RELL1: variants seen among roughly 807,000 people sequenced by gnomAD.
RELL1 encodes RELT-like protein 1.
A neutral mutation model predicts 23.0 loss-of-function variants in RELL1; 10 were observed. That is an observed-to-expected ratio of 0.43 (90% CI 0.27 to 0.74). RELL1 has a LOEUF of 0.74. Among genes scored for constraint, RELL1 ranks in the 30% least tolerant of loss-of-function variants. RELL1 has a pLI of 0.19. For missense variants in RELL1, 315 were observed against 364.4 expected (o/e 0.86, Z 1.10); for synonymous variants, 146 against 146.8 (o/e 0.99, Z 0.04).
chr4:37,653,032 G>A (rs954265036), intron 1 of RELL1, among the ~76,000 whole-genome samples: 4 of 152,104 alleles, frequency 2.6e-5, no homozygotes, highest in African/African-American at 9.7e-5. Context: ...TTTACAAGAT[G>A]GCCCTGGGAA....
At chr4:37,605,793 G>GAGAAAGAAAGAA (rs771797298), downstream of RELL1, among the ~76,000 whole-genome samples, 1,883 of 90,312 alleles carry the variant, frequency 0.021, 29 homozygotes, top group East Asian at 0.038. Flanking sequence ...GAGAAAGAAA[G>GAGAAAGAAAGAA]AGAAAGAAAG....
chr4:37,648,592 C>T (rs933969176), intron 2 of RELL1, among the ~76,000 whole-genome samples: 1 of 152,288 alleles, frequency 6.6e-6, no homozygotes, highest in African/African-American at 2.4e-5. Flanking sequence ...ATTTCGTCTC[C>T]CCGGTTTTTC....
intron 1 of RELL1, among the ~76,000 whole-genome samples, chr4:37,668,523 T>C (rs1440812490): frequency 6.6e-6 from 1 of 151,936 alleles, no homozygotes; most frequent in Non-Finnish European, 1.5e-5. Context: ...CAGTGCTCAA[T>C]GGTGCCCAGG....
intron 1 of RELL1, among the ~76,000 whole-genome samples, chr4:37,671,974 T>C (rs1721850480): frequency 1.3e-5 from 2 of 152,148 alleles, no homozygotes; most frequent in African/African-American, 4.8e-5. Flanking sequence ...TAGAGATTCA[T>C]AGGGCAAGGT....
intron 1 of RELL1, among the ~76,000 whole-genome samples, chr4:37,653,103 C>T (rs1256993524): frequency 2.0e-5 from 3 of 152,140 alleles, no homozygotes; most frequent in African/African-American, 7.2e-5. Context: ...AAACTGAAAG[C>T]TGAGTCATTC....
At chr4:37,662,259 T>G (rs1007428474) in intron 1 of RELL1, among the ~76,000 whole-genome samples, 23 of 152,170 alleles carry the variant, frequency 1.5e-4, no homozygotes, top group African/African-American at 5.6e-4. Flanking sequence ...CTAATGATAA[T>G]TATCATTTTT....
At chr4:37,635,666 T>G (rs556644624) in intron 4 of RELL1, among the ~76,000 whole-genome samples, 4 of 152,294 alleles carry the variant, frequency 2.6e-5, no homozygotes, top group African/African-American at 9.6e-5. Flanking sequence ...TAGAATGGAA[T>G]TTATTAGCTG....
At chr4:37,669,143 C>A (rs1455992682) in intron 1 of RELL1, among the ~76,000 whole-genome samples, 4 of 127,920 alleles carry the variant, frequency 3.1e-5, no homozygotes, top group Non-Finnish European at 6.5e-5. Context: ...AAGTGAGGAG[C>A]CCCTCTGCCC....
chr4:37,677,066 T>A (rs1006349400), intron 1 of RELL1, among the ~76,000 whole-genome samples: 3 of 152,200 alleles, frequency 2.0e-5, no homozygotes, highest in Non-Finnish European at 2.9e-5. Context: ...AAGATGACCA[T>A]CAAAGTCCCT....
intron 1 of RELL1, among the ~76,000 whole-genome samples, chr4:37,661,807 G>A (rs768304105): frequency 4.6e-5 from 7 of 152,214 alleles, no homozygotes; most frequent in Non-Finnish European, 1.0e-4. Context: ...GGCTTAAACA[G>A]AATTGGAGAA....
chr4:37,624,085 G>A (rs1719857558), intron 6 of RELL1, among the ~76,000 whole-genome samples: 1 of 152,092 alleles, frequency 6.6e-6, no homozygotes, highest in African/African-American at 2.4e-5. Context: ...CTGCCACAGA[G>A]TCCAAAAAAA....
rs185079140 is a variant in RELL1 at position 37,674,309 on chromosome 4, G to T, written c.88+11891C>A. Among the ~76,000 whole-genome samples the T allele has an allele frequency of 3.9e-5, 6 of 152,296 alleles. No homozygotes were observed. The East Asian group carries it at 1.2e-3, about 29-fold the overall frequency. ...GAGAAACCTCATTTTTAAATTAACT[G>T]CACACTGTAAAGAATGATCTACAAG... On this transcript the variant is annotated intron_variant, in intron 1 of 6. Transcript: ENST00000454158.
rs1719139536 is a variant in RELL1, at chr4:37,604,890, CACACACACAG to C, written c.*4-13683_*4-13674del. On this transcript the variant is annotated intron_variant, in intron 6 of 6. Coordinates refer to the RELL1 transcript ENST00000314117. ...AGACACACACACACATACACACAGACACACACACAGACACACACACACACACACAGACACA... is the reference window on the plus strand; with the variant it reads ...AGACACACACACACATACACACAGACACACACACACACACACACAGACACA... Among the ~76,000 whole-genome samples, 11 of 44,264 alleles carry C rather than the reference CACACACACAG, an allele frequency of 2.5e-4. 1 individual carries two copies. The highest frequency in any genetic ancestry group is 9.2e-4 in the African/African-American group (10 of 10,830). 29.0% of individuals were successfully genotyped at this position (44,264 alleles called of 152,430 possible).
intron 1 of RELL1, among the ~76,000 whole-genome samples, chr4:37,668,426 C>T (rs999565301): frequency 6.6e-6 from 1 of 152,160 alleles, no homozygotes; most frequent in African/African-American, 2.4e-5. Context: ...CTGTGTTGGC[C>T]AGGCTGGTCT....
intron 1 of RELL1, among the ~76,000 whole-genome samples, chr4:37,652,163 T>C (rs1347577443): frequency 6.6e-6 from 1 of 152,226 alleles, no homozygotes; most frequent in Non-Finnish European, 1.5e-5. Flanking sequence ...ACAGAAGCTT[T>C]ATTTGCAAAC....
At chr4:37,662,030 A>T (rs1389295265) in intron 1 of RELL1, among the ~76,000 whole-genome samples, 1 of 152,132 alleles carries the variant, frequency 6.6e-6, no homozygotes, top group Non-Finnish European at 1.5e-5. Context: ...CGCCAGCTGC[A>T]TACAGTCCCT....
downstream of RELL1, among the ~76,000 whole-genome samples, chr4:37,589,689 G>A (rs760106522): frequency 2.2e-4 from 34 of 152,026 alleles, no homozygotes; most frequent in Non-Finnish European, 4.6e-4. Context: ...TGGAGTGCAG[G>A]GGCGTGATCT....
intron 6 of RELL1, among the ~76,000 whole-genome samples, chr4:37,617,960 A>G (rs1719629746): frequency 6.6e-6 from 1 of 152,210 alleles, no homozygotes; most frequent in Non-Finnish European, 1.5e-5. Flanking sequence ...CCAACTATGT[A>G]CAAGATGCCA....
intron 6 of RELL1, among the ~76,000 whole-genome samples, chr4:37,592,194 G>A: frequency 7.3e-6 from 1 of 136,858 alleles, no homozygotes; most frequent in Non-Finnish European, 1.6e-5. Flanking sequence ...GGGTGACAGT[G>A]CAAGACTCCA....
Sources: allele counts gnomAD v4.1 joint callset (sites outside exome capture counted in the v4.1 genomes callset), GRCh38; gene constraint gnomAD v4.1.1; transcripts MANE v1.5; gene names NCBI Gene and HGNC (gene_info 2026-07-23, HGNC 2026-07-21).